Variants in COL10A1 observed in about 807,000 individuals in gnomAD.
COL10A1 encodes collagen type X alpha 1 chain, also known as collagen alpha-1(X) chain.
A neutral mutation model predicts 18.2 loss-of-function variants in COL10A1; 10 were observed. The ratio of observed to expected loss-of-function variants is 0.55; its 90% CI spans 0.34 to 0.93. The LOEUF (loss-of-function observed/expected upper bound fraction) is 0.93. COL10A1 is among the 40% of genes least tolerant of loss of function. The pLI, the probability that COL10A1 is intolerant of heterozygous loss-of-function variation, is 0.02. For synonymous variants in COL10A1, 330 were observed against 316.6 expected, an observed-to-expected ratio of 1.04 and a Z score of -0.45; for missense variants, 897 against 853.5, an observed-to-expected ratio of 1.05 and a Z score of -0.64.
At chr6:116,180,942 T>C in the COL10A1 span, among the ~76,000 whole-genome samples, 2 of 152,210 alleles carry the variant, frequency 1.3e-5, no homozygotes, top group East Asian at 1.9e-4. Flanking sequence ...CTAACTGATA[T>C]ATGATGATAG....
chr6:116,173,950 A>G, the COL10A1 span, among the ~76,000 whole-genome samples: 1 of 152,164 alleles, frequency 6.6e-6, no homozygotes, highest in South Asian at 2.1e-4. Flanking sequence ...TAATCATCAC[A>G]TTCAATTAGT....
intron 2 of COL10A1, among the ~76,000 whole-genome samples, chr6:116,123,003 G>A (rs527928916): frequency 2.6e-5 from 4 of 152,256 alleles, no homozygotes; most frequent in Non-Finnish European, 4.4e-5. Flanking sequence ...ATTATATTAT[G>A]TATAAGTGGA....
chr6:116,184,480 T>A, the COL10A1 span, among the ~76,000 whole-genome samples: 1 of 152,054 alleles, frequency 6.6e-6, no homozygotes, highest in Non-Finnish European at 1.5e-5. Flanking sequence ...ATTCTTTGAA[T>A]GTCTGATAGC....
At chr6:116,201,060 C>T in the COL10A1 span, among the ~76,000 whole-genome samples, 1 of 151,928 alleles carries the variant, frequency 6.6e-6, no homozygotes, top group African/African-American at 2.4e-5. Context: ...GAGTGAAGTA[C>T]TAACTTGCCC....
chr6:116,135,317 TCA>T (rs1779560658), intron 1 of COL10A1, among the ~76,000 whole-genome samples: 1 of 152,056 alleles, frequency 6.6e-6, no homozygotes, highest in African/African-American at 2.4e-5. Context: ...TGCATCAATA[TCA>T]TTAAAATACG....
intron 1 of COL10A1, among the ~76,000 whole-genome samples, chr6:116,149,799 A>G (rs1472929408): frequency 6.6e-6 from 1 of 152,194 alleles, no homozygotes; most frequent in Non-Finnish European, 1.5e-5. Flanking sequence ...TGAAGATTCA[A>G]ATAGAAATCT....
the COL10A1 span, among the ~76,000 whole-genome samples, chr6:116,215,174 G>A: frequency 2.6e-5 from 4 of 152,014 alleles, no homozygotes; most frequent in African/African-American, 7.2e-5. Context: ...TGGATAATAC[G>A]GAGCACATGA....
chr6:116,146,115 TA>T (rs1338362575), intron 1 of COL10A1, among the ~76,000 whole-genome samples: 1 of 152,230 alleles, frequency 6.6e-6, no homozygotes, highest in African/African-American at 2.4e-5. Flanking sequence ...TGGTTACAGT[TA>T]ATACTAATGA....
At chr6:116,127,068 C>T (rs537626161), upstream of COL10A1, among the ~76,000 whole-genome samples, 2 of 152,048 alleles carry the variant, frequency 1.3e-5, no homozygotes, top group African/African-American at 2.4e-5. Context: ...TTAATTTCAT[C>T]GTTTTGAATC....
chr6:116,182,010 T>G, the COL10A1 span, among the ~76,000 whole-genome samples: 2 of 152,030 alleles, frequency 1.3e-5, no homozygotes, highest in African/African-American at 2.4e-5. Context: ...TAGTCCTTTA[T>G]CCCTCACCCG....
At chr6:116,170,693 G>A in the COL10A1 span, among the ~76,000 whole-genome samples, 520 of 152,308 alleles carry the variant, frequency 3.4e-3, 15 homozygotes, top group South Asian at 0.046. Flanking sequence ...CCTGGCTGTT[G>A]CTGTACCTCC....
intron 1 of COL10A1, among the ~76,000 whole-genome samples, chr6:116,140,348 T>C (rs951924355): frequency 3.9e-5 from 6 of 152,154 alleles, no homozygotes; most frequent in African/African-American, 1.4e-4. Flanking sequence ...CCTTTGCTCT[T>C]CTGGGCACAT....
chr6:116,127,039 T>A (rs943195202), upstream of COL10A1, among the ~76,000 whole-genome samples: 17 of 152,166 alleles, frequency 1.1e-4, no homozygotes, highest in Admixed American at 7.9e-4. Context: ...AAGTTGAGAG[T>A]CCAAATTTTT....
At chr6:116,187,620 G>A in the COL10A1 span, among the ~76,000 whole-genome samples, 6,958 of 152,144 alleles carry the variant, frequency 0.046, 178 homozygotes, top group Non-Finnish European at 0.059. Flanking sequence ...GTGGGGAAAG[G>A]ACTGTCATAA....
At chr6:116,148,285 G>A (rs540048623) in intron 1 of COL10A1, among the ~76,000 whole-genome samples, 80 of 152,162 alleles carry the variant, frequency 5.3e-4, no homozygotes, top group African/African-American at 1.9e-3. Flanking sequence ...GTTGTACCAA[G>A]CATTATCTAT....
chr6:116,138,849 AATAG>A (rs1352500639), intron 1 of COL10A1, among the ~76,000 whole-genome samples: 1 of 152,146 alleles, frequency 6.6e-6, no homozygotes, highest in Non-Finnish European at 1.5e-5. Flanking sequence ...AGAGAGTAAG[AATAG>A]ATAGTGAATA....
intron 1 of COL10A1, among the ~76,000 whole-genome samples, chr6:116,144,189 A>G (rs1441820700): frequency 6.6e-6 from 1 of 152,190 alleles, no homozygotes; most frequent in Non-Finnish European, 1.5e-5. Flanking sequence ...GAAAACAAAC[A>G]TATTCTTCTT....
At chr6:116,172,098 A>C in the COL10A1 span, among the ~76,000 whole-genome samples, 1 of 152,208 alleles carries the variant, frequency 6.6e-6, no homozygotes, top group East Asian at 1.9e-4. Context: ...TCTGTAAGTC[A>C]AGATGACTGA....
At chr6:116,169,603 G>A in the COL10A1 span, among the ~76,000 whole-genome samples, 1 of 152,124 alleles carries the variant, frequency 6.6e-6, no homozygotes, top group Non-Finnish European at 1.5e-5. Context: ...AGCTCTTTAG[G>A]TATGGGGTAG....
Sources: gnomAD v4.1 joint callset for allele counts (sites outside exome capture counted in the v4.1 genomes callset) on GRCh38, gnomAD v4.1.1 for gene constraint, MANE v1.5 for transcripts, NCBI Gene and HGNC (gene_info 2026-07-23, HGNC 2026-07-21) for gene names.